PTPRT: variants seen among roughly 807,000 people sequenced by gnomAD.
The protein encoded by PTPRT is protein tyrosine phosphatase receptor type T.
Under a neutral mutation model 176.8 loss-of-function variants are expected in PTPRT, and 56 were observed. The observed-to-expected ratio is 0.32, with a 90% CI of 0.26 to 0.40. PTPRT has a LOEUF of 0.40. Among genes scored for constraint, PTPRT ranks in the 10% least tolerant of loss-of-function variants. The probability of loss-of-function intolerance (pLI) is 1.00; values close to 1 mark genes in which losing one functional copy is unlikely to be tolerated. For missense variants in PTPRT, 1,540 were observed against 1,908.2 expected, an observed-to-expected ratio of 0.81 and a Z score of 3.60; for synonymous variants, 783 against 739.0, an observed-to-expected ratio of 1.06 and a Z score of -0.96.
In PTPRT at chr20:42,507,081, T is replaced by C. The variant is rs1172569181; in HGVS notation, c.1154-34519A>G. Among the ~76,000 whole-genome samples the C allele has an allele frequency of 2.0e-5, 3 of 152,232 alleles. No individual in the cohort carries two copies. The East Asian group carries it at 5.8e-4, about 30-fold the overall frequency. On this transcript the variant is annotated intron_variant, in intron 7 of 30. Coordinates refer to ENST00000373187, the MANE Select transcript of PTPRT (RefSeq NM_007050.6). ...AGGAGTAAAAACACGCCCCAAATCT[T>C]AGTGGCTTGAAAACCACCAATATTT...
At chr20:42,475,309 C>T (rs2071270458) in intron 7 of PTPRT, among the ~76,000 whole-genome samples, 1 of 152,136 alleles carries the variant, frequency 6.6e-6, no homozygotes, top group South Asian at 2.1e-4. Flanking sequence ...TGCCTGACCC[C>T]ACATGTAGTG....
Position 42,248,791 on chromosome 20 carries a change from C to A in PTPRT, c.2208G>T (p.Glu736Asp), listed in dbSNP as rs1218906688. The change falls in exon 14 of 31, where the codon GAG (glutamate) becomes GAT (aspartate). Residue 736 changes from glutamate to aspartate, a missense_variant. Physicochemically the swap from Glu to Asp is conservative, Grantham distance 45 (BLOSUM62 2). This residue lies in a region of PTPRT where 255 missense variants were observed against 250.1 expected (regional missense o/e 1.02). Transcript: ENST00000373187. ...CGGTGTTGTCCACCTGCTTCTCTGGCTCCACAGTGTTAGAATTCTGGGTGG... is the reference window on the plus strand; with the variant it reads ...CGGTGTTGTCCACCTGCTTCTCTGGATCCACAGTGTTAGAATTCTGGGTGG... ...GASTQNSNTVEPEKQVDNTVK... is the reference protein window; with the variant it reads ...GASTQNSNTVDPEKQVDNTVK... 3 of 1,613,952 alleles carry A rather than the reference C, an allele frequency of 1.9e-6. No homozygotes were observed. Among genetic ancestry groups the A allele is most frequent in the East Asian group, 4.5e-5 (2 of 44,884 alleles).
At chr20:42,263,371 CTTTTTTTTTTTTTTT>C (rs11477690) in intron 13 of PTPRT, among the ~76,000 whole-genome samples, 6 of 50,958 alleles carry the variant, frequency 1.2e-4, no homozygotes, top group Non-Finnish European at 1.7e-4. Context: ...CCATGCCTGG[CTTTTTTTTTTTTTTT>C]TTTTTTTTTT....
At chr20:42,807,028 T>G (rs2077620540) in intron 2 of PTPRT, among the ~76,000 whole-genome samples, 1 of 152,138 alleles carries the variant, frequency 6.6e-6, no homozygotes, top group Non-Finnish European at 1.5e-5. Context: ...CCACAATGTC[T>G]CTGATAATTT....
intron 9 of PTPRT, among the ~76,000 whole-genome samples, chr20:42,437,307 T>C (rs1262799420): frequency 6.6e-6 from 1 of 152,212 alleles, no homozygotes; most frequent in Non-Finnish European, 1.5e-5. Context: ...AAGAGCTTTT[T>C]GAATCTCCCT....
chr20:43,110,533 G>A (rs2012811146), intron 1 of PTPRT, among the ~76,000 whole-genome samples: 1 of 152,220 alleles, frequency 6.6e-6, no homozygotes, highest in African/African-American at 2.4e-5. Context: ...GGGACAGAGG[G>A]GGGCTTCCTG....
chr20:42,973,402 G>A (rs1043466489), intron 1 of PTPRT, among the ~76,000 whole-genome samples: 2 of 152,096 alleles, frequency 1.3e-5, no homozygotes, highest in Non-Finnish European at 2.9e-5. Flanking sequence ...CAGAGGAACT[G>A]TTGCAATCTC....
intron 7 of PTPRT, among the ~76,000 whole-genome samples, chr20:42,476,086 T>G (rs547092048): frequency 2.0e-5 from 3 of 152,300 alleles, no homozygotes; most frequent in South Asian, 4.1e-4. Flanking sequence ...ATTATTACAC[T>G]AGTCTCAAAA....
chr20:43,008,241 T>C (rs979643740), intron 1 of PTPRT, among the ~76,000 whole-genome samples: 2 of 152,198 alleles, frequency 1.3e-5, no homozygotes, highest in Non-Finnish European at 2.9e-5. Flanking sequence ...GATTCATGAA[T>C]AGGATTAGTG....
At chr20:42,320,685 G>C (rs1297020231) in intron 11 of PTPRT, among the ~76,000 whole-genome samples, 1 of 152,170 alleles carries the variant, frequency 6.6e-6, no homozygotes, top group African/African-American at 2.4e-5. Flanking sequence ...AGTGGAGCAA[G>C]GGTGTGATAT....
intron 20 of PTPRT, 108 bp downstream of exon 20, chr20:42,119,827 T>G: frequency 1.0e-6 from 1 of 975,564 alleles, no homozygotes; most frequent in Non-Finnish European, 1.5e-6. Flanking sequence ...AAAGGAGGGT[T>G]GGAGTAACAG....
At chr20:42,482,744 G>C (rs1346072229) in intron 7 of PTPRT, among the ~76,000 whole-genome samples, 1 of 152,152 alleles carries the variant, frequency 6.6e-6, no homozygotes, top group Non-Finnish European at 1.5e-5. Flanking sequence ...TCAGCTCCTT[G>C]ATCTTTCCTG....
At chr20:42,324,946 C>T (rs191451532) in intron 11 of PTPRT, among the ~76,000 whole-genome samples, 4 of 152,290 alleles carry the variant, frequency 2.6e-5, no homozygotes, top group Admixed American at 6.5e-5. Flanking sequence ...CTGACTAGTT[C>T]GGCGACCTAT....
chr20:43,079,586 T>C (rs781561727), intron 1 of PTPRT, among the ~76,000 whole-genome samples: 9 of 152,218 alleles, frequency 5.9e-5, no homozygotes, highest in Non-Finnish European at 7.3e-5. Flanking sequence ...CCAGGCAAAC[T>C]GCATACAATT....
intron 7 of PTPRT, among the ~76,000 whole-genome samples, chr20:42,673,000 A>G (rs1600585471): frequency 6.6e-6 from 1 of 152,290 alleles, no homozygotes; most frequent in South Asian, 2.1e-4. Context: ...GTTTGATAGA[A>G]AGGAGTGAAA....
chr20:42,716,180 CG>C (rs1569106739), intron 6 of PTPRT, among the ~76,000 whole-genome samples: 1 of 151,798 alleles, frequency 6.6e-6, no homozygotes, highest in East Asian at 1.9e-4. Flanking sequence ...CTAAATAGCT[CG>C]GATCAGCTGA....
chr20:42,395,821 T>C (rs931472370), intron 9 of PTPRT, among the ~76,000 whole-genome samples: 2 of 152,162 alleles, frequency 1.3e-5, no homozygotes, highest in Non-Finnish European at 2.9e-5. Context: ...CCCTCATTTT[T>C]CTTCTTACTT....
chr20:42,846,438 C>T (rs1392684193), intron 2 of PTPRT, among the ~76,000 whole-genome samples: 1 of 152,174 alleles, frequency 6.6e-6, no homozygotes, highest in African/African-American at 2.4e-5. Context: ...AGACTGGCCC[C>T]ATCTGTACCA....
At chr20:42,402,573 C>G (rs2058919597) in intron 9 of PTPRT, among the ~76,000 whole-genome samples, 1 of 151,526 alleles carries the variant, frequency 6.6e-6, no homozygotes. Flanking sequence ...TGAGACTGAC[C>G]CAATGACCCA....
Sources: allele counts gnomAD v4.1 joint callset (sites outside exome capture counted in the v4.1 genomes callset), GRCh38; gene constraint gnomAD v4.1.1; regional missense constraint gnomAD v4.1.1; transcripts MANE v1.5; gene names NCBI Gene and HGNC (gene_info 2026-07-23, HGNC 2026-07-21).